The following ALKBH8 variants were observed in gnomAD, a reference collection of about 807,000 sequenced individuals.
ALKBH8 encodes the protein tRNA (carboxymethyluridine(34)-5-O)-methyltransferase ALKBH8.
In ALKBH8, 36 loss-of-function variants were observed where a neutral mutation model predicts 59.8. The ratio of observed to expected loss-of-function variants is 0.60; its 90% CI spans 0.46 to 0.79. The LOEUF (loss-of-function observed/expected upper bound fraction) is 0.79, where lower values mean the gene tolerates loss of function less well. Among genes scored for constraint, ALKBH8 ranks in the 30% least tolerant of loss-of-function variants. The pLI, the probability that ALKBH8 is intolerant of heterozygous loss-of-function variation, is 0.00. For synonymous variants in ALKBH8, 276 were observed against 273.6 expected (o/e 1.01, Z -0.09); for missense variants, 768 against 801.0 (o/e 0.96, Z 0.50).
chr11:107,510,707 A>G (rs1370858067), intron 11 of ALKBH8, among the ~76,000 whole-genome samples, 180 bp downstream of exon 11: 4 of 152,228 alleles, frequency 2.6e-5, no homozygotes, highest in Admixed American at 6.5e-5. Flanking sequence ...TAAGTAGAAG[A>G]TACTTAAACA....
chr11:107,510,964 C>T lies in ALKBH8; in HGVS notation c.1360G>A (p.Ala454Thr), dbSNP rs1862598765. 1 of 1,551,886 alleles carries T rather than the reference C, an allele frequency of 6.4e-7. No homozygotes were observed. The change falls in exon 11 of 12, where the codon GCA becomes ACA. Residue 454 changes from alanine to threonine, a missense_variant. By Grantham distance (58) the Ala-to-Thr change is moderately conservative. Transcript: ENST00000428149. ...CCACTGCGGACTGGTACTGCCAATGCATCACAGACAAAAGCCTGAAATTGC... is the reference window on the plus strand; with the variant it reads ...CCACTGCGGACTGGTACTGCCAATGTATCACAGACAAAAGCCTGAAATTGC... Reference protein sequence around the residue: ...ERQFQAFVCDALAVPVRSGSC... With the variant: ...ERQFQAFVCDTLAVPVRSGSC...
intron 1 of ALKBH8, among the ~76,000 whole-genome samples, chr11:107,564,066 T>C (rs1384921986): frequency 6.6e-6 from 1 of 152,130 alleles, no homozygotes; most frequent in Non-Finnish European, 1.5e-5. Flanking sequence ...TTTCCACTAA[T>C]GCACAGATAC....
intron 10 of ALKBH8, among the ~76,000 whole-genome samples, chr11:107,515,375 A>G (rs1023065446): frequency 3.9e-5 from 6 of 152,028 alleles, no homozygotes; most frequent in African/African-American, 1.2e-4. Flanking sequence ...CTTTTTTTGG[A>G]GACAGGGTCT....
intron 1 of ALKBH8, among the ~76,000 whole-genome samples, chr11:107,562,521 A>C (rs1864978138): frequency 6.6e-6 from 1 of 152,190 alleles, no homozygotes; most frequent in African/African-American, 2.4e-5. Context: ...TGCGGACTTT[A>C]AAGTCTTCAA....
intron 7 of ALKBH8, among the ~76,000 whole-genome samples, chr11:107,538,156 T>G (rs75096159): frequency 0.017 from 2,591 of 150,644 alleles, 117 homozygotes; most frequent in East Asian, 0.1. Context: ...AGATTTTCTG[T>G]TTTTTTTTAC....
chr11:107,513,545 T>C (rs1436597271), intron 10 of ALKBH8, among the ~76,000 whole-genome samples: 1 of 152,228 alleles, frequency 6.6e-6, no homozygotes, highest in Admixed American at 6.5e-5. Flanking sequence ...ATTGGGTATA[T>C]ATCCAAAGTA....
intron 7 of ALKBH8, among the ~76,000 whole-genome samples, chr11:107,541,202 G>C (rs1864021138): frequency 6.6e-6 from 1 of 152,184 alleles, no homozygotes; most frequent in African/African-American, 2.4e-5. Context: ...GGCAATGGTA[G>C]TGCTGATGGT....
In ALKBH8 at chr11:107,511,082, T is replaced by G. The variant is rs561164385; in HGVS notation, c.1288-46A>C. Reference sequence around the variant, plus strand: ...CATAACATTTTGTTTAAATTTCACATGAAATTAAGAACTATGAACTTATTC... The same window carrying G: ...CATAACATTTTGTTTAAATTTCACAGGAAATTAAGAACTATGAACTTATTC... On this transcript the variant is annotated intron_variant, in intron 10 of 11. Coordinates refer to ENST00000428149, the MANE Select transcript of ALKBH8 (RefSeq NM_138775.3). 303 of 1,539,872 alleles carry G rather than the reference T, an allele frequency of 2.0e-4. 4 individuals are homozygous for G. The South Asian group carries it at 3.4e-3, about 17-fold the overall frequency.
intron 8 of ALKBH8, among the ~76,000 whole-genome samples, chr11:107,526,520 C>T (rs509186): frequency 0.043 from 6,514 of 151,838 alleles, 481 homozygotes; most frequent in African/African-American, 0.15. Context: ...ATTTTCTCTC[C>T]ATGTGTGGCT....
chr11:107,549,727 G>T (rs749740121), intron 7 of ALKBH8, 26 bp downstream of exon 7: 19 of 1,469,938 alleles, frequency 1.3e-5, no homozygotes, highest in Non-Finnish European at 1.7e-5. Flanking sequence ...GATATATGAT[G>T]ATAGCTAATA....
intron 7 of ALKBH8, among the ~76,000 whole-genome samples, chr11:107,533,619 C>A (rs1371870866): frequency 6.6e-6 from 1 of 152,048 alleles, no homozygotes; most frequent in Non-Finnish European, 1.5e-5. Flanking sequence ...ATTCGAAACA[C>A]CGGAGATTAA....
chr11:107,562,333 G>A (rs1196560036), intron 1 of ALKBH8, among the ~76,000 whole-genome samples: 1 of 151,022 alleles, frequency 6.6e-6, no homozygotes, highest in Non-Finnish European at 1.5e-5. Context: ...TGGAAAAGTT[G>A]GGAAGGCCTC....
intron 5 of ALKBH8, 96 bp from the exon 6 acceptor site, chr11:107,552,008 C>CAGATATA: frequency 1.7e-6 from 1 of 586,300 alleles, no homozygotes. Flanking sequence ...AATCTCTGAG[C>CAGATATA]TTTTAATTTA....
intron 8 of ALKBH8, among the ~76,000 whole-genome samples, chr11:107,528,909 T>C (rs1863461260): frequency 1.3e-5 from 2 of 152,134 alleles, no homozygotes; most frequent in Admixed American, 6.5e-5. Context: ...CTTTAAAAGT[T>C]AAGATAAGGA....
chr11:107,510,227 C>A (rs1565312075), intron 11 of ALKBH8, among the ~76,000 whole-genome samples: 1 of 152,114 alleles, frequency 6.6e-6, no homozygotes, highest in Non-Finnish European at 1.5e-5. Context: ...ATAAGGTGAG[C>A]TATAAAGCTA....
chr11:107,555,103 C>T (rs1256599012), intron 3 of ALKBH8, among the ~76,000 whole-genome samples: 2 of 151,856 alleles, frequency 1.3e-5, no homozygotes, highest in Non-Finnish European at 2.9e-5. Context: ...ACTAAAAATA[C>T]AAAAAAATTA....
intron 10 of ALKBH8, among the ~76,000 whole-genome samples, chr11:107,515,946 C>G (rs1323671972): frequency 2.0e-5 from 3 of 151,982 alleles, no homozygotes; most frequent in African/African-American, 7.3e-5. Context: ...AATTTTTGAC[C>G]AATAGTTACC....
chr11:107,528,765 C>CT (rs750309345), intron 8 of ALKBH8, among the ~76,000 whole-genome samples: 4 of 152,134 alleles, frequency 2.6e-5, no homozygotes, highest in Non-Finnish European at 4.4e-5. Context: ...TGCTAAACAT[C>CT]TTTTTCCCCC....
intron 2 of ALKBH8, among the ~76,000 whole-genome samples, chr11:107,560,054 T>C (rs1864875455): frequency 6.6e-6 from 1 of 152,128 alleles, no homozygotes; most frequent in Non-Finnish European, 1.5e-5. Context: ...AATCTAACAA[T>C]CTAATGGGGT....
Sources: gnomAD v4.1 joint callset for allele counts (sites outside exome capture counted in the v4.1 genomes callset) on GRCh38, gnomAD v4.1.1 for gene constraint, MANE v1.5 for transcripts, NCBI Gene and HGNC (gene_info 2026-07-23, HGNC 2026-07-21) for gene names.